The following PHF2 variants were observed in gnomAD, a reference collection of about 807,000 sequenced individuals.
PHF2 encodes the protein PHD finger protein 2.
A neutral mutation model predicts 120.5 loss-of-function variants in PHF2; 27 were observed. The observed-to-expected ratio is 0.22, with a 90% CI of 0.17 to 0.31. PHF2 has a LOEUF of 0.31. Among genes scored for constraint, PHF2 ranks in the 10% least tolerant of loss-of-function variants. The probability of loss-of-function intolerance (pLI) is 1.00; values close to 1 mark genes in which losing one functional copy is unlikely to be tolerated. For missense variants in PHF2, 1,024 were observed against 1,434.8 expected (o/e 0.71, Z 4.63); for synonymous variants, 568 against 592.5 (o/e 0.96, Z 0.60).
At position 93,678,715 on chromosome 9, in the gene PHF2, G is replaced by A. The variant is rs1037282854; in HGVS notation, c.*1039G>A. ...AAGCATATTTTTCATAGAATGTAGC[G>A]TGTAAATAGCTTTTTAAATAACTTC... On this transcript the variant is annotated 3_prime_UTR_variant, in exon 22 of 22. Transcript: ENST00000359246. The A allele has an allele frequency of 4.6e-5, 7 of 152,686 alleles. No homozygotes were observed. The East Asian group carries it at 5.8e-4, about 13-fold the overall frequency. The allele number at this position is 152,686 out of a possible 1,614,324, so 9.5% of individuals were successfully genotyped here. A position where few individuals can be genotyped will look rare whatever the true frequency, so the allele number is the denominator to read the frequency against.
At chr9:93,662,569 T>TA (rs1826593525) in intron 12 of PHF2, among the ~76,000 whole-genome samples, 1 of 139,208 alleles carries the variant, frequency 7.2e-6, no homozygotes, top group Admixed American at 7.1e-5. Context: ...GATGGATGGA[T>TA]GGATGAACAA....
At chr9:93,662,558 GGA>G (rs1826592024) in intron 12 of PHF2, among the ~76,000 whole-genome samples, 1 of 151,300 alleles carries the variant, frequency 6.6e-6, no homozygotes, top group Non-Finnish European at 1.5e-5. Flanking sequence ...ATGGATGGAT[GGA>G]TGGATGGATG....
At chr9:93,592,884 A>G (rs941643557) in intron 1 of PHF2, among the ~76,000 whole-genome samples, 1 of 151,986 alleles carries the variant, frequency 6.6e-6, no homozygotes, top group African/African-American at 2.4e-5. Context: ...AGCTGGTACC[A>G]TCCCAGCCTC....
chr9:93,586,411 C>A (rs891717275), intron 1 of PHF2, among the ~76,000 whole-genome samples: 1 of 152,240 alleles, frequency 6.6e-6, no homozygotes, highest in African/African-American at 2.4e-5. Context: ...GCACTGGGCA[C>A]TTCTGGATGC....
intron 7 of PHF2, among the ~76,000 whole-genome samples, chr9:93,655,107 C>T (rs923990024): frequency 6.6e-5 from 10 of 152,208 alleles, no homozygotes; most frequent in Admixed American, 5.2e-4. Flanking sequence ...CCCAGACATT[C>T]CTCTGTTTCA....
chr9:93,636,088 G>C (rs2398849), intron 2 of PHF2, among the ~76,000 whole-genome samples: 74,773 of 151,866 alleles, frequency 0.49, 18,797 homozygotes, highest in African/African-American at 0.52. Flanking sequence ...TCAGGAGGTG[G>C]CTCTCTGGTG....
chr9:93,639,452 C>A (rs1452505980), intron 3 of PHF2, among the ~76,000 whole-genome samples: 2 of 151,828 alleles, frequency 1.3e-5, no homozygotes, highest in Non-Finnish European at 2.9e-5. Context: ...TTTATTAGTT[C>A]TAATAGTTTT....
At chr9:93,669,717 CTT>C (rs1368158792) in intron 17 of PHF2, among the ~76,000 whole-genome samples, 1 of 152,200 alleles carries the variant, frequency 6.6e-6, no homozygotes, top group Non-Finnish European at 1.5e-5. Flanking sequence ...GCATGGGTAA[CTT>C]TTGTCCAAGT....
At chr9:93,639,068 A>T (rs1292297834) in intron 3 of PHF2, among the ~76,000 whole-genome samples, 1 of 152,092 alleles carries the variant, frequency 6.6e-6, no homozygotes, top group Non-Finnish European at 1.5e-5. Flanking sequence ...GGTCCCTTGT[A>T]TGTCATTTGA....
At chr9:93,675,909 G>T (rs1285396129) in intron 20 of PHF2, 120 bp downstream of exon 20, 1 of 688,724 alleles carries the variant, frequency 1.5e-6, no homozygotes, top group Non-Finnish European at 2.5e-6. Flanking sequence ...AGCCAGGGGT[G>T]GTCACAGGCT....
chr9:93,654,625 A>G (rs761941800), intron 7 of PHF2, 50 bp downstream of exon 7: 14 of 1,570,912 alleles, frequency 8.9e-6, no homozygotes, highest in East Asian at 2.3e-5. Flanking sequence ...GCCGGCCCTC[A>G]TCAAGCTTAC....
chr9:93,659,431 C>A, intron 10 of PHF2, 80 bp from the exon 11 acceptor site: 1 of 1,174,220 alleles, frequency 8.5e-7, no homozygotes, highest in Non-Finnish European at 1.3e-6. Flanking sequence ...GGCAGTCAGG[C>A]GACAGCCTGC....
chr9:93,579,170 C>T (rs762035370), intron 1 of PHF2, among the ~76,000 whole-genome samples: 15 of 152,158 alleles, frequency 9.9e-5, no homozygotes, highest in Non-Finnish European at 1.9e-4. Context: ...GTAAAATGAA[C>T]GTGTGTGACC....
rs184716031 is a variant in PHF2, at chr9:93,589,630, A to G, written c.98+12759A>G. Among the ~76,000 whole-genome samples, 628 of 152,320 alleles carry G rather than the reference A, an allele frequency of 4.1e-3. 3 individuals carry two copies. Among genetic ancestry groups the G allele is most frequent in the African/African-American group, 0.014 (587 of 41,562 alleles). ...TCTTTTCTTATATTTATTTATTTTG[A>G]TAAGGCATCAGCTACATTTATTCAT... is the stretch of plus-strand genomic sequence containing the variant. On this transcript the variant is annotated intron_variant, in intron 1 of 21. Coordinates refer to ENST00000359246, the MANE Select transcript of PHF2 (RefSeq NM_005392.4).
At chr9:93,589,846 T>G (rs991683535) in intron 1 of PHF2, among the ~76,000 whole-genome samples, 2 of 152,206 alleles carry the variant, frequency 1.3e-5, no homozygotes, top group Middle Eastern at 3.4e-3. Flanking sequence ...CCCCTTTCCC[T>G]CTCTCCACAC....
At chr9:93,578,115 G>T (rs1296641185) in intron 1 of PHF2, among the ~76,000 whole-genome samples, 1 of 152,236 alleles carries the variant, frequency 6.6e-6, no homozygotes, top group Non-Finnish European at 1.5e-5. Flanking sequence ...CCCAAGTCCA[G>T]TCCTGCCAGT....
In PHF2 at chr9:93,677,097, G is replaced by T. The variant is rs1285184401; in HGVS notation, c.3202+134G>T. 3 of 961,490 alleles carry T rather than the reference G, an allele frequency of 3.1e-6. No individual in the cohort carries two copies. Among genetic ancestry groups the T allele is most frequent in the Non-Finnish European group, 3.0e-6 (2 of 665,024 alleles). 59.6% of individuals were successfully genotyped at this position (961,490 alleles called of 1,614,324 possible). The stretch of plus-strand genomic sequence containing the variant: ...GCTCCTGGGCCTTGGGTGGCAGGGT[G>T]CTGTGGTCCAAGTTGGTTGCATCTT... On this transcript the variant is annotated intron_variant, in intron 21 of 21. Coordinates refer to ENST00000359246, the MANE Select transcript of PHF2 (RefSeq NM_005392.4). The surrounding 1 kb of genome is among the most constrained non-coding windows in gnomAD (Gnocchi z 4.4).
chr9:93,622,862 A>T (rs1011936261), intron 1 of PHF2, among the ~76,000 whole-genome samples: 1 of 151,854 alleles, frequency 6.6e-6, no homozygotes, highest in African/African-American at 2.4e-5. Flanking sequence ...TGTCTGTTCT[A>T]CTCTGAGTTT....
Position 93,667,073 on chromosome 9 carries a change from G to T in PHF2, c.2188-7G>T. 1 of 1,609,754 alleles carries T rather than the reference G, an allele frequency of 6.2e-7. No individual in the cohort carries two copies. Among genetic ancestry groups the T allele is most frequent in the Non-Finnish European group, 8.5e-7 (1 of 1,178,610 alleles). ...CCCTGACCGAAGCCCTGTCCCTCGC[G>T]CAGCAGAGTGATGACTCCTCGGACG... On this transcript the variant is annotated splice_region_variant and splice_polypyrimidine_tract_variant and intron_variant, in intron 16 of 21. Transcript: ENST00000359246.
Sources: allele counts gnomAD v4.1 joint callset (sites outside exome capture counted in the v4.1 genomes callset), GRCh38; gene constraint gnomAD v4.1.1; non-coding constraint Gnocchi (gnomAD v3.1); transcripts MANE v1.5; gene names NCBI Gene and HGNC (gene_info 2026-07-23, HGNC 2026-07-21).